CELSR2: variants seen among roughly 807,000 people sequenced by gnomAD.
CELSR2 encodes cadherin EGF LAG seven-pass G-type receptor 2.
In CELSR2, 81 loss-of-function variants were observed where a neutral mutation model predicts 251.6. The observed-to-expected ratio is 0.32, with a 90% CI of 0.27 to 0.39. CELSR2 has a LOEUF of 0.39. Among genes scored for constraint, CELSR2 ranks in the 10% least tolerant of loss-of-function variants. The probability of loss-of-function intolerance (pLI) is 1.00; values close to 1 mark genes in which losing one functional copy is unlikely to be tolerated. For synonymous variants in CELSR2, 1,721 were observed against 1,670.5 expected, an observed-to-expected ratio of 1.03 and a Z score of -0.74; for missense variants, 3,365 against 3,947.7, an observed-to-expected ratio of 0.85 and a Z score of 3.96.
At chr1:109,254,550 G>A (rs898673822) in intron 1 of CELSR2, among the ~76,000 whole-genome samples, 2 of 152,160 alleles carry the variant, frequency 1.3e-5, no homozygotes, top group African/African-American at 2.4e-5. Flanking sequence ...CCTCATGAGG[G>A]GATGCTGTTA....
rs769548615 is a variant in CELSR2 at position 109,250,284 on chromosome 1, A to G, written c.205A>G (p.Thr69Ala). 1.6e-5 allele frequency: 25 copies of G among 1,612,006 alleles called. No individual in the cohort carries two copies. Among genetic ancestry groups the G allele is most frequent in the Non-Finnish European group, 2.1e-5 (25 of 1,179,832 alleles). The change falls in exon 1 of 34, where the codon ACC becomes GCC. Residue 69 changes from threonine to alanine, a missense_variant. Transcript: ENST00000271332. The surrounding 1 kb of genome is among the most constrained non-coding windows in gnomAD (Gnocchi z 4.4). ...CTCAGCGTCGAACCTCTGGCTCTAC[A>G]CCAGCCGCTGCAGGGATGCGGGCAC... is the stretch of plus-strand genomic sequence containing the variant. The part of the protein sequence containing the change: ...PSSASNLWLY[T>A]SRCRDAGTEL...
Position 109,272,258 on chromosome 1 carries a change from CCT to C in CELSR2, c.7927-15_7927-14del, listed in dbSNP as rs1557737680. The C allele has an allele frequency of 6.4e-7, 1 of 1,550,646 alleles. No individual in the cohort carries two copies. Among genetic ancestry groups the C allele is most frequent in the East Asian group, 2.3e-5 (1 of 43,854 alleles). On this transcript the variant is annotated intron_variant, in intron 28 of 33. Coordinates refer to ENST00000271332, the MANE Select transcript of CELSR2 (RefSeq NM_001408.3). Reference sequence around the variant, plus strand: ...AGCCATCCCACTCCCCACTTACTGACCTCTCTGTTCCCTGCCTAGTCCTACAA... The same window carrying C: ...AGCCATCCCACTCCCCACTTACTGACCTCTGTTCCCTGCCTAGTCCTACAA...
chr1:109,261,817 C>T lies in CELSR2; in HGVS notation c.4307C>T (p.Thr1436Ile), dbSNP rs1410745435. 2 of 1,592,320 alleles carry T rather than the reference C, an allele frequency of 1.3e-6. No individual in the cohort carries two copies. The highest frequency in any genetic ancestry group is 1.1e-5 in the South Asian group (1 of 88,392). ...CTGGTCCTTTCCCCAGGGGAGTCAA[C>T]CACCACGGTGTCCCCATTCGTGCCC... is the stretch of plus-strand genomic sequence containing the variant. ...VQLTFSAGES[T>I]TTVSPFVPGG... Residue 1436 changes from threonine (T) to isoleucine (I), a missense_variant, in exon 5 of 34, where the codon ACC becomes ATC. Thr to Ile is a moderately conservative substitution (Grantham distance 89, BLOSUM62 -1). Coordinates refer to ENST00000271332, the MANE Select transcript of CELSR2 (RefSeq NM_001408.3). This position sits in a 1 kb window ranked among gnomAD's most constrained non-coding sequence, Gnocchi z 4.8.
Position 109,252,124 on chromosome 1 carries a change from T to C in CELSR2, c.2045T>C (p.Val682Ala). Reference protein sequence around the residue: ...PLDYKLERQYVLAVTASDGTR... With the variant: ...PLDYKLERQYALAVTASDGTR... ...GACTACAAACTTGAGCGGCAGTATG[T>C]GTTGGCTGTTACCGCCTCCGATGGC... The change falls in exon 1 of 34, where the codon GTG becomes GCG. Residue 682 changes from valine (V) to alanine (A), a missense_variant. This residue lies in a region of CELSR2 where 505 missense variants were observed against 660.0 expected (regional missense o/e 0.77). Coordinates refer to ENST00000271332, the MANE Select transcript of CELSR2 (RefSeq NM_001408.3). The surrounding 1 kb of genome is among the most constrained non-coding windows in gnomAD (Gnocchi z 4.8). 1 of 1,614,104 alleles carries C rather than the reference T, an allele frequency of 6.2e-7. No individual in the cohort carries two copies. Among genetic ancestry groups the C allele is most frequent in the Non-Finnish European group, 8.5e-7 (1 of 1,180,036 alleles).
chr1:109,255,413 C>T (rs1469825249), intron 1 of CELSR2, among the ~76,000 whole-genome samples: 1 of 152,218 alleles, frequency 6.6e-6, no homozygotes, highest in Non-Finnish European at 1.5e-5. Context: ...TGCCTCCACT[C>T]TCTTCCCTAT....
intron 24 of CELSR2, 97 bp from the exon 25 acceptor site, chr1:109,270,830 T>G: frequency 9.9e-7 from 1 of 1,014,112 alleles, no homozygotes; most frequent in Non-Finnish European, 1.5e-6. Flanking sequence ...CCCTTTTCCA[T>G]GCTTCATGCC....
chr1:109,250,624 AG>A lies in CELSR2; in HGVS notation c.546del (p.Gln182HisfsTer22). On this transcript the variant is annotated frameshift_variant, in exon 1 of 34. Transcript: ENST00000271332. LOFTEE classifies it high-confidence loss of function. The surrounding 1 kb of genome is among the most constrained non-coding windows in gnomAD (Gnocchi z 4.4). ...KRNVNTAPQFQPPSYQATVPE... is the reference protein window; with the variant it reads ...KRNVNTAPQFXPPSYQATVPE... The stretch of plus-strand genomic sequence containing the variant: ...AATGTAAATACAGCCCCCCAGTTCC[AG>A]CCCCCCAGCTACCAGGCCACAGTGC... 6.2e-7 allele frequency: 1 copy of A among 1,613,792 alleles called. No homozygotes were observed. The highest frequency in any genetic ancestry group is 8.5e-7 in the Non-Finnish European group (1 of 1,179,904).
At position 109,268,743 on chromosome 1, in the gene CELSR2, A is replaced by T; in HGVS notation, c.6481A>T (p.Thr2161Ser). The change falls in exon 18 of 34, where the codon ACC (threonine) becomes TCC (serine). Residue 2161 changes from threonine to serine, a missense_variant. Thr to Ser is a moderately conservative substitution (Grantham distance 58). Around this residue, in one of 5 missense-constraint regions of CELSR2, gnomAD observed 2,093 missense variants for 2,382.8 expected, o/e 0.88. Transcript: ENST00000271332. ...NMRHTYLSPFTIVTPNIVISV... is the reference protein window; with the variant it reads ...NMRHTYLSPFSIVTPNIVISV... ...GCGGCACACCTACCTAAGCCCCTTC[A>T]CCATCGTCACGCCCAACATTGGTAA... 6.2e-7 allele frequency: 1 copy of T among 1,603,490 alleles called. No homozygotes were observed. Among genetic ancestry groups the T allele is most frequent in the Non-Finnish European group, 8.5e-7 (1 of 1,171,704 alleles).
chr1:109,256,838 T>C (rs983850098), intron 1 of CELSR2, among the ~76,000 whole-genome samples: 30 of 152,172 alleles, frequency 2.0e-4, no homozygotes, highest in African/African-American at 7.0e-4. Flanking sequence ...TTTTGTATTT[T>C]TAGTAGAGAC....
In CELSR2 at chr1:109,268,051, C is replaced by T. The variant is rs1176209006; in HGVS notation, c.6309C>T (p.His2103=). ...GGCTGTCTGCCACACAGGACGTGCA[C>T]TTCACTGAGGTGGGGCTTGGAGGAT... ...GFGLSATQDV[H]FTENLLRVGS... Residue 2103 remains histidine (H), a synonymous_variant, in exon 17 of 34, where the codon CAC becomes CAT. Transcript: ENST00000271332. 1.9e-6 allele frequency: 3 copies of T among 1,596,882 alleles called. No individual in the cohort carries two copies. In the African/African-American group the frequency reaches 4.0e-5, roughly 21 times the overall value.
intron 30 of CELSR2, 25 bp from the exon 31 acceptor site, chr1:109,272,808 C>T: frequency 6.2e-7 from 1 of 1,612,942 alleles, no homozygotes; most frequent in Non-Finnish European, 8.5e-7. Flanking sequence ...GCTGGGCTGG[C>T]TGTGATCTCT....
Position 109,258,668 on chromosome 1 carries a change from G to A in CELSR2, c.3547G>A (p.Val1183Met). 2.6e-6 allele frequency: 4 copies of A among 1,548,696 alleles called. No homozygotes were observed. Among genetic ancestry groups the A allele is most frequent in the Non-Finnish European group, 2.6e-6 (3 of 1,145,470 alleles). The change falls in exon 2 of 34, where the codon GTG (valine) becomes ATG (methionine). Residue 1183 changes from valine (V) to methionine (M), a missense_variant. Physicochemically the swap from Val to Met is conservative, Grantham distance 21. Around this residue, in one of 5 missense-constraint regions of CELSR2, gnomAD observed 2,093 missense variants for 2,382.8 expected, o/e 0.88. Transcript: ENST00000271332. ...CGCCCCCGGGGGCCACATCCTCAAC[G>A]TGAGCCTGTCGGTGGGCCAGCCGCC... ...TDAPGGHILN[V>M]SLSVGQPPGP...
At chr1:109,263,461 G>A in intron 8 of CELSR2, 150 bp from the exon 9 acceptor site, 4 of 1,363,766 alleles carry the variant, frequency 2.9e-6, no homozygotes, top group Non-Finnish European at 4.0e-6. Context: ...CACAGCGTGG[G>A]GCGGTCCCAG....
Position 109,274,071 on chromosome 1 carries a change from C to G in CELSR2, c.*22C>G. 6.2e-7 allele frequency: 1 copy of G among 1,614,078 alleles called. No individual in the cohort carries two copies. The highest frequency in any genetic ancestry group is 8.5e-7 in the Non-Finnish European group (1 of 1,180,016). ...TTAACCCTGGGCCGTGGTTCCTACG[C>G]CCGAGGCTCCCTTCCCTTCCCCAGC... On this transcript the variant is annotated 3_prime_UTR_variant, in exon 34 of 34. Transcript: ENST00000271332.
At chr1:109,272,458 T>TG (rs1656399729) in intron 29 of CELSR2, 53 bp downstream of exon 29, 1 of 1,573,052 alleles carries the variant, frequency 6.4e-7, no homozygotes, top group African/African-American at 1.3e-5. Flanking sequence ...CCACGCATGC[T>TG]GGACCCAGGC....
At chr1:109,267,446 C>T (rs1034510219) in intron 15 of CELSR2, 102 bp from the exon 16 acceptor site, 6 of 1,043,348 alleles carry the variant, frequency 5.8e-6, no homozygotes, top group Non-Finnish European at 8.5e-6. Flanking sequence ...AGTTACTGTC[C>T]CCGGCCCATG....
Position 109,263,700 on chromosome 1 carries a change from C to T in CELSR2, c.4924C>T (p.Leu1642Phe). 6.2e-7 allele frequency: 1 copy of T among 1,613,992 alleles called. No homozygotes were observed. Among genetic ancestry groups the T allele is most frequent in the South Asian group, 1.1e-5 (1 of 91,092 alleles). The change falls in exon 9 of 34, where the codon CTC becomes TTC. Residue 1642 changes from leucine (L) to phenylalanine (F), a missense_variant. Leu to Phe is a conservative substitution (Grantham distance 22, BLOSUM62 0). This residue lies in a region of CELSR2 where 2,093 missense variants were observed against 2,382.8 expected (regional missense o/e 0.88). Transcript: ENST00000271332. ...CATCTCCCAACCCTGGTACCTCAGC[C>T]TCATGTTCCGCACGCGCCAGGCCGA... ...LPISQPWYLS[L>F]MFRTRQADGV...
chr1:109,272,130 TG>T, intron 28 of CELSR2, 147 bp from the exon 29 acceptor site: 1 of 1,089,572 alleles, frequency 9.2e-7, no homozygotes, highest in Non-Finnish European at 1.3e-6. Context: ...GGCCTCAATA[TG>T]GGGACAGCGG....
In CELSR2 at chr1:109,273,421, C is replaced by T. The variant is rs767440870; in HGVS notation, c.8510-15C>T. The T allele has an allele frequency of 4.3e-5, 69 of 1,608,958 alleles. No homozygotes were observed. Among genetic ancestry groups the T allele is most frequent in the South Asian group, 6.6e-5 (6 of 90,514 alleles). On this transcript the variant is annotated splice_polypyrimidine_tract_variant and intron_variant, in intron 32 of 33. Coordinates refer to ENST00000271332, the MANE Select transcript of CELSR2 (RefSeq NM_001408.3). ...CTCCTGTGGCCGCACCTCACAGCCC[C>T]GCCCCGGCCCACAGGCATCCTTAAG... is the stretch of plus-strand genomic sequence containing the variant.
Sources: allele counts gnomAD v4.1 joint callset (sites outside exome capture counted in the v4.1 genomes callset), GRCh38; gene constraint gnomAD v4.1.1; regional missense constraint gnomAD v4.1.1; non-coding constraint Gnocchi (gnomAD v3.1); transcripts MANE v1.5; gene names NCBI Gene and HGNC (gene_info 2026-07-23, HGNC 2026-07-21).